PSD3: variants seen among roughly 807,000 people sequenced by gnomAD.
PSD3 encodes the protein PH and SEC7 domain-containing protein 3.
A neutral mutation model predicts 105.5 loss-of-function variants in PSD3; 49 were observed. The observed-to-expected ratio is 0.46, with a 90% CI of 0.37 to 0.59. The LOEUF is 0.59. PSD3 is among the 20% of genes least tolerant of loss of function. The pLI is 0.00. For missense variants in PSD3, 1,561 were observed against 1,263.8 expected, an observed-to-expected ratio of 1.24 and a Z score of -3.57; for synonymous variants, 557 against 457.8, an observed-to-expected ratio of 1.22 and a Z score of -2.77.
intron 1 of PSD3, among the ~76,000 whole-genome samples, chr8:18,939,166 C>A (rs1375436780): frequency 6.6e-6 from 1 of 152,200 alleles, no homozygotes; most frequent in Non-Finnish European, 1.5e-5. Flanking sequence ...GAGAACTGTT[C>A]TCTAAAGCAA....
chr8:18,685,866 C>T (rs995558569), intron 9 of PSD3, among the ~76,000 whole-genome samples: 2 of 151,976 alleles, frequency 1.3e-5, no homozygotes, highest in African/African-American at 4.8e-5. Flanking sequence ...CAAAATGTCC[C>T]GTGTAAAAGA....
At chr8:18,777,173 G>T (rs983356108) in intron 8 of PSD3, among the ~76,000 whole-genome samples, 1 of 152,154 alleles carries the variant, frequency 6.6e-6, no homozygotes, top group Admixed American at 6.5e-5. Context: ...CTCCCGTGTA[G>T]CTGGGACTAC....
chr8:18,917,963 C>T (rs866465974), intron 2 of PSD3, among the ~76,000 whole-genome samples: 1 of 152,282 alleles, frequency 6.6e-6, no homozygotes, highest in Middle Eastern at 3.4e-3. Context: ...TAACAAGGTT[C>T]ACTGCCTCCA....
intron 2 of PSD3, among the ~76,000 whole-genome samples, chr8:18,925,904 T>G (rs1468830289): frequency 6.6e-6 from 1 of 152,202 alleles, no homozygotes; most frequent in Non-Finnish European, 1.5e-5. Flanking sequence ...TTCTTATCTT[T>G]TTAAAAAAAT....
intron 12 of PSD3, among the ~76,000 whole-genome samples, chr8:18,584,908 TGAGAGG>T (rs1310167002): frequency 1.3e-5 from 2 of 152,198 alleles, no homozygotes; most frequent in Admixed American, 6.6e-5. Flanking sequence ...GTTGAGGTGG[TGAGAGG>T]GAGAGGGAGC....
intron 1 of PSD3, among the ~76,000 whole-genome samples, chr8:18,943,058 T>G (rs1822651243): frequency 6.6e-6 from 1 of 152,200 alleles, no homozygotes; most frequent in Non-Finnish European, 1.5e-5. Context: ...TGTATAATAC[T>G]CTAATCCAGT....
intron 2 of PSD3, among the ~76,000 whole-genome samples, chr8:18,875,865 A>C (rs911886311): frequency 6.6e-6 from 1 of 152,084 alleles, no homozygotes; most frequent in Non-Finnish European, 1.5e-5. Context: ...CACTCCCAAA[A>C]AGAAACCCTG....
chr8:18,741,587 C>T (rs1030586028), intron 9 of PSD3, among the ~76,000 whole-genome samples: 10 of 152,140 alleles, frequency 6.6e-5, no homozygotes, highest in African/African-American at 2.2e-4. Context: ...CTGTGCTATT[C>T]ATCTATAGAC....
chr8:18,588,096 G>A (rs187385163), intron 12 of PSD3, among the ~76,000 whole-genome samples: 1 of 152,206 alleles, frequency 6.6e-6, no homozygotes, highest in East Asian at 1.9e-4. Flanking sequence ...TGGATGGCTC[G>A]ATACCCCAAA....
rs1389841628 is a variant in PSD3 at position 18,734,828 on chromosome 8, G to A, written c.2172+30621C>T. Among the ~76,000 whole-genome samples the A allele has an allele frequency of 2.0e-5, 3 of 152,194 alleles. No individual in the cohort carries two copies. The East Asian group carries it at 5.8e-4, about 29-fold the overall frequency. ...TTCTCATTCTGATGTTTTGTAAGGT[G>A]TTAAATCATTTTTTCTCAAGCCAAA... On this transcript the variant is annotated intron_variant, in intron 9 of 15. Coordinates refer to ENST00000327040, the MANE Select transcript of PSD3 (RefSeq NM_015310.4).
At chr8:18,798,603 G>C (rs1471371440) in intron 8 of PSD3, among the ~76,000 whole-genome samples, 1 of 152,044 alleles carries the variant, frequency 6.6e-6, no homozygotes, top group African/African-American at 2.4e-5. Context: ...ACTCTACACA[G>C]ACACCTGATT....
intron 10 of PSD3, among the ~76,000 whole-genome samples, chr8:18,654,176 T>C (rs1808720902): frequency 1.3e-5 from 2 of 152,200 alleles, no homozygotes; most frequent in Non-Finnish European, 2.9e-5. Flanking sequence ...GTCTTAACTT[T>C]TGACTCCCTA....
intron 1 of PSD3, among the ~76,000 whole-genome samples, chr8:18,956,865 A>T (rs1823601737): frequency 6.6e-6 from 1 of 152,044 alleles, no homozygotes; most frequent in Admixed American, 6.6e-5. Context: ...CTGAGGCCAC[A>T]CCCCAAGGCT....
intron 14 of PSD3, among the ~76,000 whole-genome samples, chr8:18,560,475 C>G (rs1257038792): frequency 6.6e-6 from 1 of 151,942 alleles, no homozygotes; most frequent in African/African-American, 2.4e-5. Flanking sequence ...AAAAATATTA[C>G]ATTTGACAAA....
chr8:18,768,987 G>T (rs1426513399), intron 8 of PSD3, among the ~76,000 whole-genome samples: 1 of 152,130 alleles, frequency 6.6e-6, no homozygotes. Context: ...TTAAAGCACA[G>T]AAAGGAACTT....
intron 1 of PSD3, among the ~76,000 whole-genome samples, chr8:18,943,340 C>T (rs1174679277): frequency 6.6e-6 from 1 of 152,116 alleles, no homozygotes; most frequent in Non-Finnish European, 1.5e-5. Context: ...GGTAAGATGG[C>T]AAAATAAATA....
At chr8:18,685,267 G>C (rs966216239) in intron 9 of PSD3, among the ~76,000 whole-genome samples, 1 of 152,114 alleles carries the variant, frequency 6.6e-6, no homozygotes, top group Non-Finnish European at 1.5e-5. Context: ...ATGGTTTAAA[G>C]TAATTCTTAA....
chr8:18,799,060 C>G, intron 8 of PSD3: 1 of 464,434 alleles, frequency 2.2e-6, no homozygotes, highest in Non-Finnish European at 3.9e-6. Flanking sequence ...ACAGAACACA[C>G]ACATTACTGC....
chr8:18,897,844 G>T (rs1819251807), intron 2 of PSD3, among the ~76,000 whole-genome samples: 1 of 152,058 alleles, frequency 6.6e-6, no homozygotes, highest in South Asian at 2.1e-4. Flanking sequence ...ATTTTTCTAA[G>T]TTGATTTTGT....
Sources: allele counts gnomAD v4.1 joint callset (sites outside exome capture counted in the v4.1 genomes callset), GRCh38; gene constraint gnomAD v4.1.1; transcripts MANE v1.5; gene names NCBI Gene and HGNC (gene_info 2026-07-23, HGNC 2026-07-21).